The following DOCK8 variants were observed in gnomAD, a reference collection of about 807,000 sequenced individuals.
DOCK8 encodes dedicator of cytokinesis protein 8.
A neutral mutation model predicts 245.6 loss-of-function variants in DOCK8; 141 were observed. That is an observed-to-expected ratio of 0.57 (90% CI 0.50 to 0.66). The LOEUF (loss-of-function observed/expected upper bound fraction) is 0.66, where lower values mean the gene tolerates loss of function less well. DOCK8 is among the 30% of genes least tolerant of loss of function. DOCK8 has a pLI of 0.00. For synonymous variants in DOCK8, 1,168 were observed against 970.2 expected (o/e 1.20, Z -3.79); for missense variants, 2,965 against 2,603.4 (o/e 1.14, Z -3.02).
At chr9:381,840 G>T (rs1226861293) in intron 21 of DOCK8, among the ~76,000 whole-genome samples, 1 of 151,898 alleles carries the variant, frequency 6.6e-6, no homozygotes, top group Non-Finnish European at 1.5e-5. Context: ...GGTGCCTGTA[G>T]TCCCAGCTAC....
At chr9:435,682 A>T (rs2056876825) in intron 39 of DOCK8, among the ~76,000 whole-genome samples, 1 of 152,246 alleles carries the variant, frequency 6.6e-6, no homozygotes, top group African/African-American at 2.4e-5. Context: ...CCTTCTTAGG[A>T]TAAGCTGAAA....
Position 372,181 on chromosome 9 carries a change from T to C in DOCK8, c.2008-4T>C. 1.2e-6 allele frequency: 2 copies of C among 1,612,954 alleles called. No homozygotes were observed. Among genetic ancestry groups the C allele is most frequent in the South Asian group, 1.1e-5 (1 of 91,064 alleles). ...CACTTTATTATTTACATCATCTGTT[T>C]CAGTGGCTGCCAATTCTCTTAAATG... is the stretch of plus-strand genomic sequence containing the variant. On this transcript the variant is annotated splice_region_variant and splice_polypyrimidine_tract_variant and intron_variant, in intron 17 of 47. Coordinates refer to ENST00000432829, the MANE Select transcript of DOCK8 (RefSeq NM_203447.4).
At chr9:248,569 CTT>C (rs1410118724) in intron 1 of DOCK8, among the ~76,000 whole-genome samples, 8 of 109,938 alleles carry the variant, frequency 7.3e-5, no homozygotes, top group East Asian at 5.5e-4. Context: ...CTCTTTCTTT[CTT>C]TCTCTCTCTC....
chr9:415,692 G>GCACACATGCACACACGCACACA (rs1554699008), intron 29 of DOCK8, among the ~76,000 whole-genome samples: 3 of 151,088 alleles, frequency 2.0e-5, no homozygotes, highest in African/African-American at 7.3e-5. Flanking sequence ...GTGCGCGCGT[G>GCACACATGCACACACGCACACA]CACACACACA....
At chr9:366,323 C>G (rs946222159) in intron 14 of DOCK8, 2 of 152,420 alleles carry the variant, frequency 1.3e-5, no homozygotes, top group African/African-American at 4.8e-5. Context: ...TCCAGGGAGT[C>G]ACCCAAAATA....
At chr9:386,650 A>T (rs1205698251) in intron 23 of DOCK8, among the ~76,000 whole-genome samples, 1 of 152,146 alleles carries the variant, frequency 6.6e-6, no homozygotes, top group Admixed American at 6.6e-5. Context: ...CATGCATCAG[A>T]ATTACCTGGA....
intron 28 of DOCK8, among the ~76,000 whole-genome samples, chr9:409,207 C>G (rs1014043843): frequency 6.6e-6 from 1 of 152,168 alleles, no homozygotes; most frequent in Non-Finnish European, 1.5e-5. Flanking sequence ...ACCTGAACCC[C>G]TAGGGAGCTA....
chr9:400,946 A>ACC (rs1564016625), intron 26 of DOCK8, among the ~76,000 whole-genome samples: 13 of 121,964 alleles, frequency 1.1e-4, no homozygotes, highest in East Asian at 5.7e-4. Flanking sequence ...CACCACCACC[A>ACC]TCACCACCAC....
At chr9:404,387 G>A (rs925382361) in intron 26 of DOCK8, among the ~76,000 whole-genome samples, 11 of 151,960 alleles carry the variant, frequency 7.2e-5, no homozygotes, top group Middle Eastern at 3.4e-3. Context: ...TGAGTTTTTT[G>A]CAGGTACTAT....
intron 24 of DOCK8, among the ~76,000 whole-genome samples, chr9:393,773 C>T (rs2054312184): frequency 6.6e-6 from 1 of 152,178 alleles, no homozygotes; most frequent in African/African-American, 2.4e-5. Context: ...GTTCTACCAG[C>T]AGCCTAAAAC....
chr9:251,618 C>G (rs2047648073), intron 1 of DOCK8, among the ~76,000 whole-genome samples: 1 of 152,196 alleles, frequency 6.6e-6, no homozygotes, highest in African/African-American at 2.4e-5. Flanking sequence ...GGGCTATCTT[C>G]TGTCTCCTTC....
chr9:428,847 G>A (rs998074705), intron 35 of DOCK8, among the ~76,000 whole-genome samples: 3 of 152,182 alleles, frequency 2.0e-5, no homozygotes, highest in African/African-American at 4.8e-5. Context: ...TCTATGTGAC[G>A]CCCATTAGTC....
At chr9:403,930 G>C (rs1186291271) in intron 26 of DOCK8, among the ~76,000 whole-genome samples, 2 of 76,884 alleles carry the variant, frequency 2.6e-5, no homozygotes, top group Admixed American at 1.6e-4. Context: ...ATATATATAT[G>C]TGTATATATA....
intron 15 of DOCK8, chr9:368,375 T>C (rs2053114223): frequency 2.9e-6 from 2 of 694,832 alleles, no homozygotes; most frequent in African/African-American, 1.8e-5. Context: ...TTTTAGAGGA[T>C]TAAAAAAAGT....
chr9:377,649 T>G (rs1487068626), intron 20 of DOCK8, among the ~76,000 whole-genome samples: 1 of 152,136 alleles, frequency 6.6e-6, no homozygotes, highest in African/African-American at 2.4e-5. Context: ...ACTCACTATT[T>G]TAAAGTGTAT....
At chr9:405,506 G>A (rs773795963) in intron 27 of DOCK8, among the ~76,000 whole-genome samples, 1 of 152,156 alleles carries the variant, frequency 6.6e-6, no homozygotes, top group African/African-American at 2.4e-5. Context: ...GCAAATGCAC[G>A]AGAAGCAGAA....
At chr9:420,318 C>T (rs2056221916) in intron 30 of DOCK8, 83 bp from the exon 31 acceptor site, 11 of 1,440,878 alleles carry the variant, frequency 7.6e-6, no homozygotes, top group Non-Finnish European at 5.8e-6. Flanking sequence ...TTGAATTTTT[C>T]TGTTGCTTGA....
At chr9:430,995 A>G (rs375154120) in intron 36 of DOCK8, among the ~76,000 whole-genome samples, 1 of 151,882 alleles carries the variant, frequency 6.6e-6, no homozygotes, top group Admixed American at 6.6e-5. Context: ...TCAGCCTCCC[A>G]TGTAGTAACT....
chr9:297,272 C>A (rs894157307), intron 4 of DOCK8, among the ~76,000 whole-genome samples: 1 of 152,206 alleles, frequency 6.6e-6, no homozygotes. Context: ...GAGACTAAGG[C>A]ACTTGCCCAA....
Sources: allele counts gnomAD v4.1 joint callset (sites outside exome capture counted in the v4.1 genomes callset), GRCh38; gene constraint gnomAD v4.1.1; transcripts MANE v1.5; gene names NCBI Gene and HGNC (gene_info 2026-07-23, HGNC 2026-07-21).